The following SI variants were observed in gnomAD, a reference collection of about 807,000 sequenced individuals.
SI encodes the protein sucrase-isomaltase.
A neutral mutation model predicts 253.3 loss-of-function variants in SI; 235 were observed. That is an observed-to-expected ratio of 0.93 (90% confidence interval 0.83 to 1.03). The LOEUF is 1.03. Ranked by LOEUF, SI falls within the 50% of genes least tolerant of loss-of-function variation. SI has a pLI of 0.00. For synonymous variants in SI, 819 were observed against 712.0 expected (o/e 1.15, Z -2.39); for missense variants, 2,442 against 2,211.1 (o/e 1.10, Z -2.09).
chr3:165,076,582 A>G (rs1576929972), intron 1 of SI, among the ~76,000 whole-genome samples: 1 of 151,746 alleles, frequency 6.6e-6, no homozygotes, highest in Admixed American at 6.6e-5. Context: ...CATATATTTG[A>G]TAGAATAGTA....
chr3:165,041,765 A>G (rs1236377534), intron 17 of SI, among the ~76,000 whole-genome samples: 2 of 152,042 alleles, frequency 1.3e-5, no homozygotes, highest in Non-Finnish European at 2.9e-5. Context: ...CTTGCTTTGG[A>G]TAACAATATT....
chr3:165,001,060 A>G (rs919975162), intron 37 of SI, among the ~76,000 whole-genome samples: 4 of 151,332 alleles, frequency 2.6e-5, no homozygotes, highest in Admixed American at 1.3e-4. Context: ...AATTTAAAAC[A>G]TATTTTTAAT....
At chr3:165,058,914 C>T in intron 12 of SI, 49 bp downstream of exon 12, 1 of 1,468,496 alleles carries the variant, frequency 6.8e-7, no homozygotes, top group Non-Finnish European at 9.4e-7. Flanking sequence ...TTTATTATTT[C>T]AGAGAAGAAA....
intron 25 of SI, 95 bp downstream of exon 25, chr3:165,030,617 T>A: frequency 1.5e-6 from 2 of 1,292,040 alleles, no homozygotes; most frequent in Non-Finnish European, 2.2e-6. Flanking sequence ...GAATTTAGTT[T>A]ATATGCTGCA....
At chr3:165,050,766 C>G (rs370342061) in intron 13 of SI, among the ~76,000 whole-genome samples, 11 of 152,072 alleles carry the variant, frequency 7.2e-5, no homozygotes, top group African/African-American at 2.4e-4. Flanking sequence ...TTTTATTTCT[C>G]TCAGAAAAAG....
chr3:165,012,367 A>G (rs966739279), intron 34 of SI, among the ~76,000 whole-genome samples: 2 of 152,304 alleles, frequency 1.3e-5, no homozygotes, highest in South Asian at 2.1e-4. Flanking sequence ...ATGAATAAAC[A>G]TTTATTAAGA....
intron 6 of SI, among the ~76,000 whole-genome samples, chr3:165,066,825 A>G (rs925388209): frequency 6.6e-6 from 1 of 152,048 alleles, no homozygotes; most frequent in African/African-American, 2.4e-5. Context: ...AACAATTCTT[A>G]GGGATACAAG....
chr3:164,999,095 C>T (rs148503173), intron 37 of SI, among the ~76,000 whole-genome samples: 1 of 151,802 alleles, frequency 6.6e-6, no homozygotes, highest in African/African-American at 2.4e-5. Flanking sequence ...TATTACTGTG[C>T]AGACAATGCC....
intron 27 of SI, among the ~76,000 whole-genome samples, chr3:165,020,763 T>C (rs1463170846): frequency 6.6e-6 from 1 of 151,648 alleles, no homozygotes; most frequent in East Asian, 1.9e-4. Flanking sequence ...AATTTATTCA[T>C]TGTAACATAA....
chr3:165,040,103 T>C, intron 18 of SI, 132 bp from the exon 19 acceptor site: 1 of 739,610 alleles, frequency 1.4e-6, no homozygotes, highest in East Asian at 2.6e-5. Flanking sequence ...TCAGATGACA[T>C]TTTCAATTCA....
intron 2 of SI, among the ~76,000 whole-genome samples, chr3:165,075,428 CT>C (rs1488813102): frequency 6.6e-6 from 1 of 151,916 alleles, no homozygotes; most frequent in Non-Finnish European, 1.5e-5. Flanking sequence ...CTATCCAAGT[CT>C]TTTTTCAACT....
chr3:164,979,529 A>T (rs145518894), intron 47 of SI, 99 bp from the exon 48 acceptor site: 6 of 658,798 alleles, frequency 9.1e-6, no homozygotes, highest in Non-Finnish European at 1.3e-5. Flanking sequence ...AATAGTATAT[A>T]CCTTTATTTT....
chr3:165,017,732 A>AT (rs751135332), intron 30 of SI, 29 bp downstream of exon 30: 9 of 1,597,646 alleles, frequency 5.6e-6, no homozygotes, highest in South Asian at 4.5e-5. Context: ...AAAATTTTTA[A>AT]TTTTTTTAAA....
chr3:165,021,056 G>C (rs193290735), intron 27 of SI, among the ~76,000 whole-genome samples, 173 bp downstream of exon 27: 252 of 151,692 alleles, frequency 1.7e-3, no homozygotes, highest in Non-Finnish European at 8.9e-5. Flanking sequence ...CTTTAAAATA[G>C]TCCCATGGAC....
intron 16 of SI, among the ~76,000 whole-genome samples, chr3:165,045,672 GTTTC>G (rs1205047096): frequency 1.3e-5 from 2 of 150,896 alleles, no homozygotes; most frequent in South Asian, 4.2e-4. Flanking sequence ...ACTGTTCAGC[GTTTC>G]TTTCTTTTTA....
chr3:165,055,701 T>A (rs1713663639), intron 12 of SI, among the ~76,000 whole-genome samples: 1 of 152,086 alleles, frequency 6.6e-6, no homozygotes, highest in East Asian at 1.9e-4. Context: ...CAAGCAATTT[T>A]AAAAACTGTC....
rs1451066599 is a variant in SI at position 164,979,256 on chromosome 3, A to G, written c.*106T>C. 1.1e-5 allele frequency: 8 copies of G among 759,620 alleles called. No homozygotes were observed. The highest frequency in any genetic ancestry group is 2.8e-5 in the South Asian group (2 of 72,640). The allele number at this position is 759,620 out of a possible 1,614,324, so 47.1% of individuals were successfully genotyped here. A position where few individuals can be genotyped will look rare whatever the true frequency, so the allele number is the denominator to read the frequency against. On this transcript the variant is annotated 3_prime_UTR_variant, in exon 48 of 48. Transcript: ENST00000264382. ...ATAACTTTTCGATGTTATGAAAGCT[A>G]TATTTTGTAGAGTACAAGAACCAAG...
chr3:165,035,016 G>A (rs1299484060), intron 22 of SI, among the ~76,000 whole-genome samples: 1 of 151,972 alleles, frequency 6.6e-6, no homozygotes, highest in Non-Finnish European at 1.5e-5. Flanking sequence ...AAATCCTTAG[G>A]TTGTGAGAGA....
In SI at chr3:164,982,975, G is replaced by A. The variant is rs200168757; in HGVS notation, c.5247+27C>T. 4,097 of 1,547,488 alleles carry A rather than the reference G, an allele frequency of 2.6e-3. 7 individuals are homozygous for A. The highest frequency in any genetic ancestry group is 3.4e-3 in the Non-Finnish European group (3,860 of 1,130,134). On this transcript the variant is annotated intron_variant, in intron 46 of 47. Transcript: ENST00000264382. ...TGTGAACTTCAAATATTCCTTAACA[G>A]AATTGCATATAAATAATCTTACATA...
Sources: gnomAD v4.1 joint callset for allele counts (sites outside exome capture counted in the v4.1 genomes callset) on GRCh38, gnomAD v4.1.1 for gene constraint, MANE v1.5 for transcripts, NCBI Gene and HGNC (gene_info 2026-07-23, HGNC 2026-07-21) for gene names.